The following ERICH1 variants were observed in gnomAD, a reference collection of about 807,000 sequenced individuals.
The protein encoded by ERICH1 is glutamate rich 1.
In ERICH1, 56 loss-of-function variants were observed where a neutral mutation model predicts 39.6. That is an observed-to-expected ratio of 1.41 (90% CI 1.14 to 1.77). The LOEUF is 1.77. Ranked by LOEUF, ERICH1 falls within the 40% of genes most tolerant of loss-of-function variation. ERICH1 has a pLI of 0.00. For missense variants in ERICH1, 826 were observed against 575.4 expected (o/e 1.44, Z -4.45); for synonymous variants, 313 against 223.6 (o/e 1.40, Z -3.57).
intron 2 of ERICH1, 150 bp downstream of exon 2, chr8:715,711 G>T: frequency 9.0e-7 from 1 of 1,108,418 alleles, no homozygotes; most frequent in Non-Finnish European, 1.3e-6. Context: ...TGTGTGGAGA[G>T]CGATGCCTGC....
At position 645,102 on chromosome 8, in the gene ERICH1, A is replaced by C. The variant is rs1328197514; in HGVS notation, c.976+23496T>G. Among the ~76,000 whole-genome samples the C allele has an allele frequency of 3.0e-4, 21 of 69,390 alleles. 10 individuals are homozygous for C. Among genetic ancestry groups the C allele is most frequent in the Admixed American group, 2.3e-3 (19 of 8,134 alleles). 45.5% of individuals were successfully genotyped at this position (69,390 alleles called of 152,430 possible). ...GGGATTTCAGAGGCAAATTCCACAC[A>C]GAGCAGTGAACCTGAGTTTCGCTGG... On this transcript the variant is annotated intron_variant, in intron 3 of 3. Coordinates refer to the ERICH1 transcript ENST00000522706.
intron 2 of ERICH1, among the ~76,000 whole-genome samples, chr8:712,047 T>C (rs1236111970): frequency 6.6e-6 from 1 of 152,234 alleles, no homozygotes; most frequent in Non-Finnish European, 1.5e-5. Context: ...TTACTGTAGA[T>C]TTCTGGTAAG....
chr8:703,919 G>A (rs1355520393), intron 2 of ERICH1, among the ~76,000 whole-genome samples: 2 of 152,178 alleles, frequency 1.3e-5, no homozygotes, highest in African/African-American at 2.4e-5. Flanking sequence ...CGGAGGCCAC[G>A]ACAGATGAAA....
At chr8:642,309 T>C (rs2117233837) in intron 3 of ERICH1, among the ~76,000 whole-genome samples, 1 of 146,368 alleles carries the variant, frequency 6.8e-6, no homozygotes. Context: ...GCAAAGAACA[T>C]CCCTAAAAAG....
intron 3 of ERICH1, among the ~76,000 whole-genome samples, chr8:634,752 C>T (rs1263687659): frequency 6.6e-6 from 1 of 152,194 alleles, no homozygotes. Flanking sequence ...CGCGGGATGA[C>T]CTTGGCGACC....
At chr8:629,538 C>T (rs13282995) in intron 3 of ERICH1, among the ~76,000 whole-genome samples, 1 of 136,744 alleles carries the variant, frequency 7.3e-6, no homozygotes, top group Non-Finnish European at 1.5e-5. Context: ...CACACACCCT[C>T]CTGTGAGCAC....
chr8:631,831 G>T (rs1345865060), intron 3 of ERICH1, among the ~76,000 whole-genome samples: 1 of 152,070 alleles, frequency 6.6e-6, no homozygotes. Flanking sequence ...GTGATGTGAA[G>T]GTTTGCAGGT....
At chr8:624,068 T>C (rs1357034268) in intron 3 of ERICH1, among the ~76,000 whole-genome samples, 1 of 151,926 alleles carries the variant, frequency 6.6e-6, no homozygotes, top group African/African-American at 2.4e-5. Context: ...AAAACCCAAC[T>C]GCAGATTAGT....
chr8:626,303 A>G (rs997151934), intron 3 of ERICH1: 1 of 152,330 alleles, frequency 6.6e-6, no homozygotes, highest in African/African-American at 2.4e-5. Flanking sequence ...CTCAGAGCCA[A>G]CTATTGAGGA....
chr8:690,213 C>T (rs1808594358), intron 3 of ERICH1, among the ~76,000 whole-genome samples: 1 of 152,222 alleles, frequency 6.6e-6, no homozygotes, highest in African/African-American at 2.4e-5. Context: ...TCTCCTTCCA[C>T]CTGTTCCTGA....
chr8:684,455 T>G (rs1157775400), intron 3 of ERICH1, among the ~76,000 whole-genome samples: 1 of 95,228 alleles, frequency 1.1e-5, no homozygotes, highest in East Asian at 1.1e-3. Flanking sequence ...GCTCTGAAAC[T>G]GTGAAGTGTT....
At chr8:615,558 C>A (rs1796861216) in intron 3 of ERICH1, 2 of 365,782 alleles carry the variant, frequency 5.5e-6, no homozygotes, top group Non-Finnish European at 9.7e-6. Flanking sequence ...GAGGTGATGG[C>A]TGCAGCTGCA....
chr8:690,696 G>A (rs894177965), intron 3 of ERICH1, among the ~76,000 whole-genome samples: 3 of 152,278 alleles, frequency 2.0e-5, no homozygotes, highest in Non-Finnish European at 4.4e-5. Flanking sequence ...GAGCAGGGCT[G>A]CGCAAGGTCC....
rs1275343766 is a variant in ERICH1 at position 707,615 on chromosome 8, C to T, written c.169+8246G>A. Among the ~76,000 whole-genome samples the T allele has an allele frequency of 3.3e-5, 5 of 152,304 alleles. No individual in the cohort carries two copies. In the South Asian group the frequency reaches 8.3e-4, roughly 25 times the overall value. ...CACATGCAAAGGAATGAAGTTGGAA[C>T]TCTACCTCACACCATACACAACATC... On this transcript the variant is annotated intron_variant, in intron 2 of 5. Transcript: ENST00000262109.
intron 3 of ERICH1, among the ~76,000 whole-genome samples, chr8:623,029 A>C (rs1797384858): frequency 6.6e-6 from 1 of 152,140 alleles, no homozygotes; most frequent in Non-Finnish European, 1.5e-5. Flanking sequence ...TACCAATCCT[A>C]CCAAAAAAAC....
chr8:729,193 G>A (rs903648510), intron 1 of ERICH1, among the ~76,000 whole-genome samples: 2 of 152,242 alleles, frequency 1.3e-5, no homozygotes, highest in Non-Finnish European at 2.9e-5. Flanking sequence ...CCAACATCCG[G>A]CGGTGAATAA....
intron 1 of ERICH1, among the ~76,000 whole-genome samples, chr8:724,300 A>C (rs1818046981): frequency 1.3e-5 from 2 of 152,228 alleles, no homozygotes; most frequent in Non-Finnish European, 2.9e-5. Flanking sequence ...ACATAGTGAG[A>C]TCCGATCTCT....
chr8:729,890 G>A (rs909614082), intron 1 of ERICH1, among the ~76,000 whole-genome samples: 6 of 151,858 alleles, frequency 4.0e-5, no homozygotes, highest in African/African-American at 1.2e-4. Context: ...TTTATTCCAG[G>A]CTTAGAAGAG....
rs374779185 is a variant in ERICH1 at position 627,312 on chromosome 8, C to T, written c.977-12028G>A. 28 of 428,210 alleles carry T rather than the reference C, an allele frequency of 6.5e-5. 1 individual carries two copies. The highest frequency in any genetic ancestry group is 4.6e-4 in the African/African-American group (23 of 49,638). The allele number at this position is 428,210 out of a possible 1,614,324, so 26.5% of individuals were successfully genotyped here. On this transcript the variant is annotated intron_variant, in intron 3 of 3. Coordinates refer to the ERICH1 transcript ENST00000522706. Reference sequence around the variant, plus strand: ...GTATAACAGGCCAGGGGCTGGCAGACGAAGGGCTTGAGTGAATGACAGCTC... The same window carrying T: ...GTATAACAGGCCAGGGGCTGGCAGATGAAGGGCTTGAGTGAATGACAGCTC...
Sources: gnomAD v4.1 joint callset for allele counts (sites outside exome capture counted in the v4.1 genomes callset) on GRCh38, gnomAD v4.1.1 for gene constraint, MANE v1.5 for transcripts, NCBI Gene and HGNC (gene_info 2026-07-23, HGNC 2026-07-21) for gene names.